Variants in ARID2 observed in about 807,000 individuals in gnomAD.
ARID2 encodes AT-rich interactive domain-containing protein 2.
Under a neutral mutation model 184.6 loss-of-function variants are expected in ARID2, and 32 were observed. The observed-to-expected ratio is 0.17, with a 90% CI of 0.13 to 0.23. ARID2 has a LOEUF of 0.23. Among genes scored for constraint, ARID2 ranks in the 10% least tolerant of loss-of-function variants. The probability of loss-of-function intolerance (pLI) is 1.00; values close to 1 mark genes in which losing one functional copy is unlikely to be tolerated. For missense variants in ARID2, 1,696 were observed against 2,197.6 expected, an observed-to-expected ratio of 0.77 and a Z score of 4.56; for synonymous variants, 836 against 772.6, an observed-to-expected ratio of 1.08 and a Z score of -1.36.
chr12:45,857,881 T>C (rs1943677920), intron 15 of ARID2, among the ~76,000 whole-genome samples: 1 of 152,080 alleles, frequency 6.6e-6, no homozygotes, highest in African/African-American at 2.4e-5. Context: ...TTCTTCAGCC[T>C]CCCGAGTGGC....
chr12:45,740,199 A>G (rs576253189), intron 3 of ARID2, among the ~76,000 whole-genome samples: 2 of 152,320 alleles, frequency 1.3e-5, no homozygotes, highest in South Asian at 4.1e-4. Context: ...AATTCAATCT[A>G]GTAGTAAAAA....
Position 45,892,007 on chromosome 12 carries a change from A to C in ARID2, c.5062-4A>C. 6.2e-7 allele frequency: 1 copy of C among 1,614,032 alleles called. No homozygotes were observed. The highest frequency in any genetic ancestry group is 8.5e-7 in the Non-Finnish European group (1 of 1,179,972). On this transcript the variant is annotated splice_polypyrimidine_tract_variant and splice_region_variant and intron_variant, in intron 17 of 20. Coordinates refer to ENST00000334344, the MANE Select transcript of ARID2 (RefSeq NM_152641.4). ...CATTCTCTTGCTTCCTCTTCCTCAA[A>C]AAGGATAAGCACTGTTCAAAGGATG...
At chr12:45,746,260 G>A (rs1352815912) in intron 3 of ARID2, among the ~76,000 whole-genome samples, 1 of 152,026 alleles carries the variant, frequency 6.6e-6, no homozygotes, top group East Asian at 1.9e-4. Context: ...ACAGGTGTGT[G>A]CCACCATACC....
At position 45,851,278 on chromosome 12, in the gene ARID2, C is replaced by A. The variant is rs2138169634; in HGVS notation, c.3155C>A (p.Pro1052His). 4.3e-6 allele frequency: 7 copies of A among 1,614,210 alleles called. No homozygotes were observed. The highest frequency in any genetic ancestry group is 1.3e-5 in the African/African-American group (1 of 75,060). Residue 1052 changes from proline to histidine, a missense_variant, in exon 15 of 21, where the codon CCT (proline) becomes CAT (histidine). Transcript: ENST00000334344. ...PQQSNAGVGQ[P>H]ASGESSLIKQ... ...CAGTCGAATGCAGGAGTTGGTCAGCCTGCCTCTGGTGAGTCGAGTCTGATT... is the reference window on the plus strand; with the variant it reads ...CAGTCGAATGCAGGAGTTGGTCAGCATGCCTCTGGTGAGTCGAGTCTGATT...
rs1347157677 is a variant in ARID2, at chr12:45,892,496, A to G, written c.5147+400A>G. 2.0e-5 allele frequency among the ~76,000 whole-genome samples: 3 copies of G among 152,314 alleles called. No homozygotes were observed. In the East Asian group the frequency reaches 5.8e-4, roughly 29 times the overall value. ...GTCATTATCATATATATATATATACACACACATATAAACATACACTAGTTT... is the reference window on the plus strand; with the variant it reads ...GTCATTATCATATATATATATATACGCACACATATAAACATACACTAGTTT... On this transcript the variant is annotated intron_variant, in intron 18 of 20. Coordinates refer to ENST00000334344, the MANE Select transcript of ARID2 (RefSeq NM_152641.4).
chr12:45,758,246 C>A (rs1035933511), intron 3 of ARID2, among the ~76,000 whole-genome samples: 5 of 152,148 alleles, frequency 3.3e-5, no homozygotes, highest in African/African-American at 1.2e-4. Context: ...TAGATTTAGT[C>A]CAACTTCATA....
chr12:45,892,637 A>G (rs1467403350), intron 18 of ARID2, among the ~76,000 whole-genome samples: 1 of 152,192 alleles, frequency 6.6e-6, no homozygotes, highest in African/African-American at 2.4e-5. Flanking sequence ...TTCAGATGTG[A>G]AAAGAAATAT....
chr12:45,796,330 A>G (rs993537366), intron 3 of ARID2, among the ~76,000 whole-genome samples: 2 of 152,038 alleles, frequency 1.3e-5, no homozygotes, highest in African/African-American at 4.8e-5. Context: ...TACGGGCCAC[A>G]TGGACTTTTC....
rs1592127170 is a variant in ARID2, at chr12:45,860,793, T to C, written c.4774-8T>C. On this transcript the variant is annotated splice_polypyrimidine_tract_variant and splice_region_variant and intron_variant, in intron 15 of 20. Transcript: ENST00000334344. ...TGTCACAAACTCTGCATTTGTTCTT[T>C]TTCACAGAACACTCCTATGCCACCT... The C allele has an allele frequency of 6.6e-7, 1 of 1,518,162 alleles. No individual in the cohort carries two copies. The highest frequency in any genetic ancestry group is 8.8e-7 in the Non-Finnish European group (1 of 1,132,842). The allele number at this position is 1,518,162 out of a possible 1,614,324, so 94.0% of individuals were successfully genotyped here.
intron 3 of ARID2, among the ~76,000 whole-genome samples, chr12:45,740,424 T>C (rs1358429320): frequency 1.3e-5 from 2 of 152,032 alleles, no homozygotes; most frequent in African/African-American, 4.8e-5. Context: ...TGCACACTCA[T>C]ACACACACTA....
intron 11 of ARID2, chr12:45,840,343 T>C (rs1943321597): frequency 6.6e-6 from 1 of 152,214 alleles, no homozygotes; most frequent in South Asian, 2.1e-4. Context: ...ATACAGAGGC[T>C]GTGTAGAATG....
intron 3 of ARID2, among the ~76,000 whole-genome samples, chr12:45,801,065 C>T (rs776831907): frequency 1.3e-5 from 2 of 152,098 alleles, no homozygotes; most frequent in African/African-American, 2.4e-5. Context: ...GTAATCCCAG[C>T]GCTTTGGGAG....
At chr12:45,801,863 T>C (rs942323474) in intron 3 of ARID2, among the ~76,000 whole-genome samples, 2 of 151,996 alleles carry the variant, frequency 1.3e-5, no homozygotes, top group East Asian at 1.9e-4. Context: ...TATAAACAAT[T>C]GGTGTATCTG....
chr12:45,868,840 G>A (rs1388098337), intron 16 of ARID2, among the ~76,000 whole-genome samples: 1 of 152,112 alleles, frequency 6.6e-6, no homozygotes, highest in Non-Finnish European at 1.5e-5. Flanking sequence ...CACTTTAAAT[G>A]TATTTTAACT....
intron 6 of ARID2, among the ~76,000 whole-genome samples, chr12:45,833,541 G>T (rs1312316266): frequency 1.3e-5 from 2 of 152,118 alleles, no homozygotes; most frequent in Non-Finnish European, 1.5e-5. Flanking sequence ...TGTTGTGTGA[G>T]TGTGACATTG....
At chr12:45,878,817 T>A (rs79622380) in intron 16 of ARID2, among the ~76,000 whole-genome samples, 1 of 152,172 alleles carries the variant, frequency 6.6e-6, no homozygotes, top group South Asian at 2.1e-4. Flanking sequence ...TGTCAGTTTT[T>A]GTTAAGTCAG....
chr12:45,794,640 T>C (rs1158310909), intron 3 of ARID2, among the ~76,000 whole-genome samples: 2 of 152,176 alleles, frequency 1.3e-5, no homozygotes, highest in Non-Finnish European at 2.9e-5. Context: ...CCCGGTGTGT[T>C]CTTTTTTGTA....
At chr12:45,899,342 C>T (rs1029989821) in intron 20 of ARID2, among the ~76,000 whole-genome samples, 5 of 145,098 alleles carry the variant, frequency 3.4e-5, no homozygotes, top group Non-Finnish European at 7.5e-5. Context: ...TGGTGGCTCA[C>T]ACCTGTAATC....
intron 3 of ARID2, among the ~76,000 whole-genome samples, chr12:45,763,561 GTC>G (rs1941719277): frequency 6.6e-6 from 1 of 151,942 alleles, no homozygotes. Flanking sequence ...CAGACACAAA[GTC>G]TCTGTCACCC....
Sources: gnomAD v4.1 joint callset for allele counts (sites outside exome capture counted in the v4.1 genomes callset) on GRCh38, gnomAD v4.1.1 for gene constraint, MANE v1.5 for transcripts, NCBI Gene and HGNC (gene_info 2026-07-23, HGNC 2026-07-21) for gene names.